The following CSMD1 variants were observed in gnomAD, a reference collection of about 807,000 sequenced individuals.
The protein encoded by CSMD1 is CUB and Sushi multiple domains 1, also known as CUB and sushi domain-containing protein 1.
In CSMD1, 213 loss-of-function variants were observed where a neutral mutation model predicts 417.5. The ratio of observed to expected loss-of-function variants is 0.51; its 90% CI spans 0.46 to 0.57. The LOEUF is 0.57. Ranked by LOEUF, CSMD1 falls within the 20% of genes least tolerant of loss-of-function variation. CSMD1 has a pLI of 0.00. For synonymous variants in CSMD1, 2,862 were observed against 1,736.8 expected (o/e 1.65, Z -16.11); for missense variants, 6,923 against 4,529.7 (o/e 1.53, Z -15.17).
At chr8:4,262,600 C>A (rs540351002) in intron 3 of CSMD1, among the ~76,000 whole-genome samples, 4 of 152,258 alleles carry the variant, frequency 2.6e-5, no homozygotes, top group Non-Finnish European at 4.4e-5. Flanking sequence ...TCCTTATCTT[C>A]AGGACCCTGG....
intron 3 of CSMD1, among the ~76,000 whole-genome samples, chr8:4,284,687 A>G (rs1796964996): frequency 6.6e-6 from 1 of 152,138 alleles, no homozygotes; most frequent in African/African-American, 2.4e-5. Flanking sequence ...CTTGACAGAT[A>G]TAAAACACTA....
At chr8:4,314,624 C>T (rs1358258548) in intron 3 of CSMD1, among the ~76,000 whole-genome samples, 1 of 151,032 alleles carries the variant, frequency 6.6e-6, no homozygotes, top group Non-Finnish European at 1.5e-5. Context: ...CACACACACA[C>T]ACAAAAGCAA....
At chr8:3,862,493 G>T (rs115841192) in intron 5 of CSMD1, among the ~76,000 whole-genome samples, 1 of 152,002 alleles carries the variant, frequency 6.6e-6, no homozygotes, top group African/African-American at 2.4e-5. Flanking sequence ...CTCAAAGTTC[G>T]CCTTTCCCAG....
intron 5 of CSMD1, among the ~76,000 whole-genome samples, chr8:3,820,943 T>G (rs2129082541): frequency 6.6e-6 from 1 of 151,726 alleles, no homozygotes; most frequent in South Asian, 2.1e-4. Flanking sequence ...TGAGCCGGAG[T>G]TTTGCTTTTG....
intron 3 of CSMD1, among the ~76,000 whole-genome samples, chr8:4,381,561 T>C (rs967721154): frequency 1.3e-5 from 2 of 152,068 alleles, no homozygotes; most frequent in African/African-American, 2.4e-5. Flanking sequence ...GGAGATATGA[T>C]TGCAATTCTG....
chr8:4,453,633 C>A (rs1045303999), intron 2 of CSMD1, among the ~76,000 whole-genome samples: 15 of 152,142 alleles, frequency 9.9e-5, no homozygotes, highest in African/African-American at 3.6e-4. Context: ...ATGTATAGAA[C>A]TGGCATGTGT....
intron 2 of CSMD1, among the ~76,000 whole-genome samples, chr8:4,436,111 T>C (rs548120523): frequency 1.3e-5 from 2 of 152,300 alleles, no homozygotes; most frequent in Admixed American, 1.3e-4. Context: ...CTGAGCTAAA[T>C]ATATTCTTCA....
intron 5 of CSMD1, among the ~76,000 whole-genome samples, chr8:3,927,921 ATTC>A (rs1809860679): frequency 6.6e-6 from 1 of 152,044 alleles, no homozygotes; most frequent in Non-Finnish European, 1.5e-5. Flanking sequence ...TTTACATCAA[ATTC>A]TTTGTTTTGT....
At chr8:3,091,947 A>G (rs1021862233) in intron 47 of CSMD1, among the ~76,000 whole-genome samples, 2 of 152,192 alleles carry the variant, frequency 1.3e-5, no homozygotes, top group African/African-American at 4.8e-5. Flanking sequence ...AATGAAAGTA[A>G]TATGTATTGT....
chr8:3,477,158 T>C (rs1817480812), intron 11 of CSMD1, among the ~76,000 whole-genome samples: 1 of 152,192 alleles, frequency 6.6e-6, no homozygotes, highest in Non-Finnish European at 1.5e-5. Flanking sequence ...ATTCTGCATG[T>C]GTCACGAAGC....
chr8:3,523,287 C>A (rs1263549305), intron 10 of CSMD1, among the ~76,000 whole-genome samples: 1 of 152,122 alleles, frequency 6.6e-6, no homozygotes. Flanking sequence ...ATAAGAATAA[C>A]CTATTTCTGT....
intron 23 of CSMD1, among the ~76,000 whole-genome samples, chr8:3,324,696 G>A (rs1806409358): frequency 6.7e-6 from 1 of 149,990 alleles, no homozygotes; most frequent in Admixed American, 6.6e-5. Flanking sequence ...TTTCGTCACT[G>A]TTAAAATAGG....
At chr8:4,091,205 C>G (rs966695129) in intron 3 of CSMD1, among the ~76,000 whole-genome samples, 1 of 152,066 alleles carries the variant, frequency 6.6e-6, no homozygotes, top group African/African-American at 2.4e-5. Context: ...GGGCTTGAAC[C>G]ACCACGCCCT....
chr8:3,547,648 G>A (rs1366880007), intron 10 of CSMD1, among the ~76,000 whole-genome samples: 1 of 152,102 alleles, frequency 6.6e-6, no homozygotes, highest in East Asian at 1.9e-4. Context: ...GGGTTTGTAA[G>A]TAATATTAAT....
At chr8:4,951,726 T>C (rs2117286500) in intron 1 of CSMD1, among the ~76,000 whole-genome samples, 1 of 151,846 alleles carries the variant, frequency 6.6e-6, no homozygotes, top group Non-Finnish European at 1.5e-5. Flanking sequence ...CTCCCTATAT[T>C]AATAATGTTA....
intron 26 of CSMD1, among the ~76,000 whole-genome samples, chr8:3,278,059 C>G (rs1802438215): frequency 6.6e-6 from 1 of 152,138 alleles, no homozygotes; most frequent in African/African-American, 2.4e-5. Flanking sequence ...ACAAGCCCTC[C>G]TGGCATCTGA....
chr8:3,507,341 T>G (rs1326072907), intron 10 of CSMD1, among the ~76,000 whole-genome samples: 1 of 152,218 alleles, frequency 6.6e-6, no homozygotes, highest in Non-Finnish European at 1.5e-5. Context: ...AACTCATCAT[T>G]TTTTATGGCA....
chr8:3,332,300 C>A (rs1430888931), intron 23 of CSMD1, among the ~76,000 whole-genome samples: 3 of 152,180 alleles, frequency 2.0e-5, no homozygotes, highest in African/African-American at 7.2e-5. Flanking sequence ...TGAATAAGAC[C>A]CTCTTGTAAG....
At chr8:4,058,992 C>G (rs1350605066) in intron 3 of CSMD1, among the ~76,000 whole-genome samples, 3 of 151,976 alleles carry the variant, frequency 2.0e-5, no homozygotes, top group African/African-American at 4.8e-5. Context: ...AACACAAATT[C>G]TTTTCAGAAC....
Sources: allele counts gnomAD v4.1 joint callset (sites outside exome capture counted in the v4.1 genomes callset), GRCh38; gene constraint gnomAD v4.1.1; transcripts MANE v1.5; gene names NCBI Gene and HGNC (gene_info 2026-07-23, HGNC 2026-07-21).